Variants in AK9 observed in about 807,000 individuals in gnomAD.
AK9 encodes the protein adenylate kinase 9.
Under a neutral mutation model 239.6 loss-of-function variants are expected in AK9, and 191 were observed. That is an observed-to-expected ratio of 0.80 (90% CI 0.71 to 0.90). AK9 has a LOEUF of 0.90. Among genes scored for constraint, AK9 ranks in the 40% least tolerant of loss-of-function variants. AK9 has a pLI of 0.00. For missense variants in AK9, 1,995 were observed against 2,214.7 expected (o/e 0.90, Z 1.99); for synonymous variants, 689 against 721.0 (o/e 0.96, Z 0.71).
intron 26 of AK9, among the ~76,000 whole-genome samples, chr6:109,545,607 A>G (rs1243886075): frequency 1.3e-5 from 2 of 152,100 alleles, no homozygotes; most frequent in African/African-American, 2.4e-5. Flanking sequence ...CCCCAGCCAC[A>G]TGGAACTAAT....
At chr6:109,541,649 AT>A in intron 27 of AK9, among the ~76,000 whole-genome samples, 1 of 152,364 alleles carries the variant, frequency 6.6e-6, no homozygotes, top group East Asian at 1.9e-4. Context: ...ACCTCAGGTG[AT>A]CCACCCGCCT....
chr6:109,532,712 C>T (rs555026087), intron 28 of AK9, among the ~76,000 whole-genome samples: 34 of 152,214 alleles, frequency 2.2e-4, no homozygotes, highest in African/African-American at 8.2e-4. Context: ...TATGAACATT[C>T]ACATATAACT....
rs2128135530 is a variant in AK9, at chr6:109,533,251, C to T, written c.3570G>A (p.Arg1190=). The change falls in exon 28 of 41, where the codon AGG becomes AGA. Residue 1190 remains arginine (R), a splice_region_variant and synonymous_variant. Coordinates refer to ENST00000424296, the MANE Select transcript of AK9 (RefSeq NM_001145128.3). ...KLIKDMKAKI[R]VDTIAKRRAE... ...CAATGCATTTTTGCTAGATACATAC[C>T]CTGATTTTTGCCTTCATGTCTTTGA... 2 of 1,600,938 alleles carry T rather than the reference C, an allele frequency of 1.2e-6. No homozygotes were observed. Among genetic ancestry groups the T allele is most frequent in the East Asian group, 4.5e-5 (2 of 44,694 alleles).
intron 20 of AK9, among the ~76,000 whole-genome samples, chr6:109,576,979 C>T (rs142688958): frequency 0.043 from 6,500 of 151,942 alleles, 177 homozygotes; most frequent in South Asian, 0.09. Context: ...TACAGGCACC[C>T]GCCACCACGC....
intron 12 of AK9, among the ~76,000 whole-genome samples, chr6:109,622,917 T>C (rs79275373): frequency 1.3e-4 from 20 of 152,200 alleles, no homozygotes; most frequent in Middle Eastern, 3.4e-3. Flanking sequence ...ATACTCTTAC[T>C]AGCAGTCTAT....
intron 8 of AK9, among the ~76,000 whole-genome samples, chr6:109,652,035 TCCTC>T (rs1272069816): frequency 1.3e-5 from 2 of 151,982 alleles, no homozygotes; most frequent in East Asian, 3.9e-4. Context: ...AAAGAGGGAA[TCCTC>T]CCTAACTCAT....
intron 8 of AK9, among the ~76,000 whole-genome samples, chr6:109,649,622 G>A (rs1349910706): frequency 2.0e-5 from 3 of 152,200 alleles, no homozygotes; most frequent in East Asian, 1.9e-4. Flanking sequence ...ATGCTCATGG[G>A]TAGGAACAAT....
intron 12 of AK9, chr6:109,632,292 T>C: frequency 1.0e-6 from 1 of 985,654 alleles, no homozygotes. Context: ...AGCCATGATC[T>C]TGTGCCATTC....
At chr6:109,566,340 A>C (rs1786512047) in intron 21 of AK9, among the ~76,000 whole-genome samples, 1 of 152,144 alleles carries the variant, frequency 6.6e-6, no homozygotes, top group Non-Finnish European at 1.5e-5. Context: ...ATCCAAGAAT[A>C]AGTCCACAAA....
At chr6:109,649,777 G>C (rs1798638894) in intron 8 of AK9, among the ~76,000 whole-genome samples, 2 of 152,200 alleles carry the variant, frequency 1.3e-5, no homozygotes. Flanking sequence ...GCATCGCCAA[G>C]GCAATCCTAA....
chr6:109,633,585 T>C (rs1303569924), intron 10 of AK9, among the ~76,000 whole-genome samples: 1 of 152,174 alleles, frequency 6.6e-6, no homozygotes, highest in Non-Finnish European at 1.5e-5. Context: ...AAAAAATCTT[T>C]AAATTCTACT....
chr6:109,643,102 G>T (rs943925257), intron 9 of AK9, among the ~76,000 whole-genome samples: 1 of 152,120 alleles, frequency 6.6e-6, no homozygotes, highest in Non-Finnish European at 1.5e-5. Flanking sequence ...GTGGTGTGGG[G>T]TCCAAGAAGC....
In AK9 at chr6:109,614,253, C is replaced by T; in HGVS notation, c.1539G>A (p.Val513=). Reference sequence around the variant, plus strand: ...ACTTTGTTTTGGCTTCTTCGGTGTCCACTAAAGAGCTGCCTCTGTCCCTTT... The same window carrying T: ...ACTTTGTTTTGGCTTCTTCGGTGTCTACTAAAGAGCTGCCTCTGTCCCTTT... ...GSQRDRGSSL[V]DTEEAKTKSE... is the part of the protein sequence containing the mutation. The change falls in exon 15 of 41, where the codon GTG becomes GTA. Residue 513 remains valine (V), a synonymous_variant. Transcript: ENST00000424296. The T allele has an allele frequency of 6.4e-7, 1 of 1,551,322 alleles. No homozygotes were observed. The highest frequency in any genetic ancestry group is 2.0e-5 in the Admixed American group (1 of 50,982).
In AK9 at chr6:109,641,505, C is replaced by T. The variant is rs753101899; in HGVS notation, c.933+13G>A. The T allele has an allele frequency of 6.3e-6, 10 of 1,598,980 alleles. No individual in the cohort carries two copies. Among genetic ancestry groups the T allele is most frequent in the African/African-American group, 1.3e-5 (1 of 74,600 alleles). ...TTGAAAATTAGACTTTCAGACAGTT[C>T]CATATAACTTACATTTTCCATTGTG... is the stretch of plus-strand genomic sequence containing the variant. On this transcript the variant is annotated intron_variant, in intron 10 of 40. Coordinates refer to ENST00000424296, the MANE Select transcript of AK9 (RefSeq NM_001145128.3).
chr6:109,536,657 A>G (rs1265996601), intron 27 of AK9, among the ~76,000 whole-genome samples: 1 of 152,196 alleles, frequency 6.6e-6, no homozygotes, highest in African/African-American at 2.4e-5. Flanking sequence ...AGGAGTGGTG[A>G]GAGAGGGCAT....
intron 26 of AK9, among the ~76,000 whole-genome samples, chr6:109,544,435 G>T (rs932992913): frequency 6.6e-6 from 1 of 152,120 alleles, no homozygotes; most frequent in Admixed American, 6.5e-5. Context: ...GATCATGGGG[G>T]TGGTTTCTCA....
chr6:109,523,682 C>A (rs953112703), intron 29 of AK9, among the ~76,000 whole-genome samples: 1 of 151,970 alleles, frequency 6.6e-6, no homozygotes, highest in East Asian at 1.9e-4. Flanking sequence ...GAGAAAGGAG[C>A]CAAAACCAGG....
At chr6:109,528,680 GGGTGACATGTGGTTGCACTT>G in intron 29 of AK9, 1 of 473,984 alleles carries the variant, frequency 2.1e-6, no homozygotes, top group Non-Finnish European at 4.2e-6. Flanking sequence ...ATTCACACCA[GGGTGACATGTGGTTGCACTT>G]GTAGCAAGTT....
intron 40 of AK9, 92 bp downstream of exon 40, chr6:109,493,889 G>T: frequency 1.1e-6 from 1 of 926,018 alleles, no homozygotes; most frequent in Non-Finnish European, 1.6e-6. Context: ...CTCTCACCAA[G>T]CAGGCAACAC....
Sources: allele counts gnomAD v4.1 joint callset (sites outside exome capture counted in the v4.1 genomes callset), GRCh38; gene constraint gnomAD v4.1.1; transcripts MANE v1.5; gene names NCBI Gene and HGNC (gene_info 2026-07-23, HGNC 2026-07-21).